Variants in PHOX2A observed in about 807,000 individuals in gnomAD.
PHOX2A encodes paired like homeobox 2A.
PHOX2A carries 10 observed loss-of-function variants against 16.4 expected under a neutral mutation model. That is an observed-to-expected ratio of 0.61 (90% CI 0.38 to 1.04). PHOX2A has a LOEUF of 1.04. Among genes scored for constraint, PHOX2A ranks in the 50% least tolerant of loss-of-function variants. PHOX2A has a pLI of 0.01. For synonymous variants in PHOX2A, 219 were observed against 203.8 expected, an observed-to-expected ratio of 1.07 and a Z score of -0.64; for missense variants, 361 against 419.4, an observed-to-expected ratio of 0.86 and a Z score of 1.22.
intron 1 of PHOX2A, 33 bp from the exon 2 acceptor site, chr11:72,241,322 G>GTGCGGGGGGGCGGGGGGGGGGC: frequency 1.6e-6 from 1 of 626,612 alleles, no homozygotes; most frequent in Non-Finnish European, 2.7e-6. Flanking sequence ...CGGGGGGGGG[G>GTGCGGGGGGGCGGGGGGGGGGC]CAAAAAGGAT....
In PHOX2A at chr11:72,243,865, G is replaced by T; in HGVS notation, c.140C>A (p.Pro47Gln). 1 of 1,271,974 alleles carries T rather than the reference G, an allele frequency of 7.9e-7. No individual in the cohort carries two copies. The allele number at this position is 1,271,974 out of a possible 1,614,324, so 78.8% of individuals were successfully genotyped here. The part of the protein sequence containing the change: ...PLRPAFPAAG[P>Q]PCPALGSSNC... ...GGAGGAGCCGAGCGCGGGGCAGGGCGGCCCTGCCGCGGGGAAAGCGGGCCG... is the reference window on the plus strand; with the variant it reads ...GGAGGAGCCGAGCGCGGGGCAGGGCTGCCCTGCCGCGGGGAAAGCGGGCCG... The change falls in exon 1 of 3, where the codon CCG (proline) becomes CAG (glutamine). Residue 47 changes from proline to glutamine, a missense_variant. Coordinates refer to ENST00000298231, the MANE Select transcript of PHOX2A (RefSeq NM_005169.4).
At chr11:72,241,388 G>C in intron 1 of PHOX2A, 99 bp from the exon 2 acceptor site, 1 of 736,494 alleles carries the variant, frequency 1.4e-6, no homozygotes, top group Admixed American at 2.5e-5. Flanking sequence ...GGAATCACAC[G>C]CCTCCCCCGT....
At position 72,240,031 on chromosome 11, in the gene PHOX2A, C is replaced by G; in HGVS notation, c.573G>C (p.Ser191=). 1 of 1,449,580 alleles carries G rather than the reference C, an allele frequency of 6.9e-7. No individual in the cohort carries two copies. The highest frequency in any genetic ancestry group is 9.0e-7 in the Non-Finnish European group (1 of 1,106,728). The allele number at this position is 1,449,580 out of a possible 1,614,324, so 89.8% of individuals were successfully genotyped here. A position where few individuals can be genotyped will look rare whatever the true frequency, so the allele number is the denominator to read the frequency against. Residue 191 remains serine, a synonymous_variant, in exon 3 of 3, where the codon TCG becomes TCC. Transcript: ENST00000298231. The part of the protein sequence containing the change: ...TCSPTPDSTA[S]LPPPPAPGLA... The stretch of plus-strand genomic sequence containing the variant: ...GGCCGGGCGCAGGCGGCGGCGGCAG[C>G]GAGGCGGTGCTATCGGGCGTGGGGC...
At chr11:72,242,500 G>GT (rs1949130277) in intron 1 of PHOX2A, among the ~76,000 whole-genome samples, 1 of 151,984 alleles carries the variant, frequency 6.6e-6, no homozygotes, top group Admixed American at 6.6e-5. Context: ...TCAAAACCCT[G>GT]TATCTCTGGA....
chr11:72,240,247 G>T, intron 2 of PHOX2A, 49 bp from the exon 3 acceptor site: 1 of 1,525,170 alleles, frequency 6.6e-7, no homozygotes. Flanking sequence ...GAGAACGCAC[G>T]GGGTCAGCCC....
chr11:72,242,480 C>T (rs972677073), intron 1 of PHOX2A, among the ~76,000 whole-genome samples: 2 of 152,170 alleles, frequency 1.3e-5, no homozygotes, highest in Non-Finnish European at 2.9e-5. Flanking sequence ...TTATCCCCAT[C>T]TCTCTGGTCT....
rs1217813190 is a variant in PHOX2A, at chr11:72,240,169, G to A, written c.435C>T (p.Phe145=). The change falls in exon 3 of 3, where the codon TTC becomes TTT. Residue 145 remains phenylalanine (F), a synonymous_variant. Coordinates refer to ENST00000298231, the MANE Select transcript of PHOX2A (RefSeq NM_005169.4). ...QVWFQNRRAK[F]RKQERAASAK... The stretch of plus-strand genomic sequence containing the variant: ...CGCTGGCCGCGCGCTCCTGTTTGCG[G>A]AACTTGGCCCGGCGGTTCTGGAACC... 20 of 1,535,602 alleles carry A rather than the reference G, an allele frequency of 1.3e-5. No individual in the cohort carries two copies. The highest frequency in any genetic ancestry group is 1.7e-5 in the Non-Finnish European group (20 of 1,145,738).
intron 2 of PHOX2A, 53 bp from the exon 3 acceptor site, chr11:72,240,251 TCA>T: frequency 4.6e-6 from 7 of 1,523,660 alleles, no homozygotes; most frequent in Non-Finnish European, 6.1e-6. Context: ...ACGCACGGGG[TCA>T]GCCCGCGGCC....
Position 72,244,075 on chromosome 11 carries a change from G to A in PHOX2A, c.-71C>T, listed in dbSNP as rs1949144120. ...TCGGGGTCCGGGTGGAGGTCGGAAG[G>A]GAGGTTCGAGCGCCAGGCTCCGAGG... On this transcript the variant is annotated 5_prime_UTR_variant, in exon 1 of 3. Coordinates refer to ENST00000298231, the MANE Select transcript of PHOX2A (RefSeq NM_005169.4). 1.4e-6 allele frequency: 1 copy of A among 734,686 alleles called. No individual in the cohort carries two copies. The highest frequency in any genetic ancestry group is 4.3e-5 in the Admixed American group (1 of 23,012). The allele number at this position is 734,686 out of a possible 1,614,324, so 45.5% of individuals were successfully genotyped here. A position where few individuals can be genotyped will look rare whatever the true frequency, so the allele number is the denominator to read the frequency against.
Position 72,239,310 on chromosome 11 carries a change from C to G in PHOX2A, c.*439G>C, listed in dbSNP as rs888181338. On this transcript the variant is annotated 3_prime_UTR_variant, in exon 3 of 3. Coordinates refer to ENST00000298231, the MANE Select transcript of PHOX2A (RefSeq NM_005169.4). ...GGTCATTAATTATCCCGGCGACCAC[C>G]AGCCTCTGTACGGGTGGGCCCGAGG... is the stretch of plus-strand genomic sequence containing the variant. The G allele has an allele frequency of 4.5e-5, 7 of 156,594 alleles. No homozygotes were observed. The highest frequency in any genetic ancestry group is 1.9e-4 in the East Asian group (1 of 5,384). 9.7% of individuals were successfully genotyped at this position (156,594 alleles called of 1,614,324 possible).
At position 72,239,095 on chromosome 11, in the gene PHOX2A, T is replaced by A. The variant is rs1279702438; in HGVS notation, c.*654A>T. 3 of 152,152 alleles carry A rather than the reference T, an allele frequency of 2.0e-5. No homozygotes were observed. The highest frequency in any genetic ancestry group is 4.4e-5 in the Non-Finnish European group (3 of 68,048). The allele number at this position is 152,152 out of a possible 1,614,324, so 9.4% of individuals were successfully genotyped here. On this transcript the variant is annotated 3_prime_UTR_variant, in exon 3 of 3. Transcript: ENST00000298231. ...GGCGTGATGTCTTCAATAAATTAAG[T>A]TTTATTTGGATTGAGTAAAACTTCA...
rs866212469 is a variant in PHOX2A at position 72,243,929 on chromosome 11, C to G, written c.76G>C (p.Ala26Pro). Reference protein sequence around the residue: ...MEASAYGDFGACSQPGGFQYS... With the variant: ...MEASAYGDFGPCSQPGGFQYS... ...TGGAAGCCGCCGGGCTGGCTGCAGG[C>G]GCCAAAGTCGCCGTAGGCGGACGCC... is the stretch of plus-strand genomic sequence containing the variant. The change falls in exon 1 of 3, where the codon GCC becomes CCC. Residue 26 changes from alanine to proline, a missense_variant. Around this residue, in one of 3 missense-constraint regions of PHOX2A, gnomAD observed 235 missense variants for 263.8 expected, o/e 0.89. Transcript: ENST00000298231. 7.7e-7 allele frequency: 1 copy of G among 1,305,994 alleles called. No individual in the cohort carries two copies. The highest frequency in any genetic ancestry group is 1.5e-5 in the African/African-American group (1 of 65,962). 80.9% of individuals were successfully genotyped at this position (1,305,994 alleles called of 1,614,324 possible).
At position 72,243,828 on chromosome 11, in the gene PHOX2A, A is replaced by C. The variant is rs1385533176; in HGVS notation, c.177T>G (p.Leu59=). The change falls in exon 1 of 3, where the codon CTT becomes CTG. Residue 59 remains leucine, a synonymous_variant. Transcript: ENST00000298231. ...CPALGSSNCA[L]GALRDHQPAP... is the part of the protein sequence containing the mutation. ...CGGGCTGGTGGTCGCGTAGGGCGCC[A>C]AGTGCGCAGTTGGAGGAGCCGAGCG... is the stretch of plus-strand genomic sequence containing the variant. 10 of 1,251,790 alleles carry C rather than the reference A, an allele frequency of 8.0e-6. No homozygotes were observed. The highest frequency in any genetic ancestry group is 1.0e-5 in the Non-Finnish European group (10 of 995,778). 77.5% of individuals were successfully genotyped at this position (1,251,790 alleles called of 1,614,324 possible).
intron 1 of PHOX2A, among the ~76,000 whole-genome samples, chr11:72,242,797 C>T (rs1367753859): frequency 1.3e-5 from 2 of 151,926 alleles, no homozygotes; most frequent in Non-Finnish European, 2.9e-5. Context: ...GCTGGGATTA[C>T]AGGCGTGGGC....
At chr11:72,241,337 G>A (rs1378191724) in intron 1 of PHOX2A, 48 bp from the exon 2 acceptor site, 2 of 1,046,616 alleles carry the variant, frequency 1.9e-6, no homozygotes, top group Non-Finnish European at 2.8e-6. Context: ...AAGGATGGGG[G>A]AGTGAGAAGC....
rs1339103419 is a variant in PHOX2A at position 72,239,083 on chromosome 11, C to T, written c.*666G>A. ...CGTAAGGGTTGCGGCGTGATGTCTTCAATAAATTAAGTTTTATTTGGATTG... is the reference window on the plus strand; with the variant it reads ...CGTAAGGGTTGCGGCGTGATGTCTTTAATAAATTAAGTTTTATTTGGATTG... On this transcript the variant is annotated 3_prime_UTR_variant, in exon 3 of 3. Transcript: ENST00000298231. 1 of 152,090 alleles carries T rather than the reference C, an allele frequency of 6.6e-6. No homozygotes were observed. Among genetic ancestry groups the T allele is most frequent in the East Asian group, 1.9e-4 (1 of 5,186 alleles). 9.4% of individuals were successfully genotyped at this position (152,090 alleles called of 1,614,324 possible).
Position 72,240,004 on chromosome 11 carries a change from C to A in PHOX2A, c.600G>T (p.Leu200=). The A allele has an allele frequency of 7.1e-7, 1 of 1,413,090 alleles. No homozygotes were observed. The highest frequency in any genetic ancestry group is 3.2e-5 in the Admixed American group (1 of 31,108). 87.5% of individuals were successfully genotyped at this position (1,413,090 alleles called of 1,614,324 possible). ...ASLPPPPAPG[L]ASPRLSPSPL... ...GGCTGGGGCTCAGGCGCGGGCTGGC[C>A]AGGCCGGGCGCAGGCGGCGGCGGCA... The change falls in exon 3 of 3, where the codon CTG becomes CTT. Residue 200 remains leucine, a synonymous_variant. Coordinates refer to ENST00000298231, the MANE Select transcript of PHOX2A (RefSeq NM_005169.4).
chr11:72,239,884 G>GC lies in PHOX2A; in HGVS notation c.719dup (p.Gly241ArgfsTer12). ...CGGCCGCTCCCGCGCCAGGCCCGCC[G>GC]CCCCCACCGCCCGCCACACCGGCCC... On this transcript the variant is annotated frameshift_variant, in exon 3 of 3. Coordinates refer to ENST00000298231, the MANE Select transcript of PHOX2A (RefSeq NM_005169.4). LOFTEE classifies it high-confidence loss of function. The GC allele has an allele frequency of 7.4e-7, 1 of 1,353,284 alleles. No homozygotes were observed. The highest frequency in any genetic ancestry group is 9.6e-7 in the Non-Finnish European group (1 of 1,041,422). 83.8% of individuals were successfully genotyped at this position (1,353,284 alleles called of 1,614,324 possible).
At chr11:72,243,477 TA>T (rs1949137627) in intron 1 of PHOX2A, among the ~76,000 whole-genome samples, 1 of 151,976 alleles carries the variant, frequency 6.6e-6, no homozygotes. Context: ...TGTAGAGGTT[TA>T]GTGGTCAGTC....
Sources: allele counts gnomAD v4.1 joint callset (sites outside exome capture counted in the v4.1 genomes callset), GRCh38; gene constraint gnomAD v4.1.1; regional missense constraint gnomAD v4.1.1; transcripts MANE v1.5; gene names NCBI Gene and HGNC (gene_info 2026-07-23, HGNC 2026-07-21).